Variants in CRYZL1 observed in about 807,000 individuals in gnomAD.
CRYZL1 encodes the protein crystallin zeta like 1.
CRYZL1 carries 34 observed loss-of-function variants against 50.6 expected under a neutral mutation model. The observed-to-expected ratio is 0.67, with a 90% CI of 0.51 to 0.89. The LOEUF (loss-of-function observed/expected upper bound fraction) is 0.89. Among genes scored for constraint, CRYZL1 ranks in the 40% least tolerant of loss-of-function variants. The pLI is 0.00. For missense variants in CRYZL1, 354 were observed against 402.3 expected, an observed-to-expected ratio of 0.88 and a Z score of 1.03; for synonymous variants, 125 against 134.3, an observed-to-expected ratio of 0.93 and a Z score of 0.48.
chr21:33,628,376 G>A (rs1386676816), intron 2 of CRYZL1, among the ~76,000 whole-genome samples: 1 of 152,134 alleles, frequency 6.6e-6, no homozygotes, highest in African/African-American at 2.4e-5. Flanking sequence ...GATAGGGATT[G>A]AATTGAGTCT....
At chr21:33,602,871 C>T (rs1383198333) in intron 7 of CRYZL1, among the ~76,000 whole-genome samples, 2 of 152,184 alleles carry the variant, frequency 1.3e-5, no homozygotes, top group African/African-American at 4.8e-5. Flanking sequence ...GAAAGCATTT[C>T]ATCACAAGCC....
intron 1 of CRYZL1, chr21:33,641,385 GA>G: frequency 6.8e-7 from 1 of 1,472,486 alleles, no homozygotes; most frequent in African/African-American, 1.4e-5. Context: ...CAACCTGGGA[GA>G]TTAAGTGGAA....
intron 1 of CRYZL1, chr21:33,639,987 G>C (rs970170669): frequency 1.9e-6 from 1 of 530,094 alleles, no homozygotes. Flanking sequence ...CACCATGCCC[G>C]GCTAATTTCT....
At position 33,589,433 on chromosome 21, in the gene CRYZL1, C is replaced by T; in HGVS notation, c.*389G>A. The stretch of plus-strand genomic sequence containing the variant: ...AAAGACTTAAGGAAGGTGTTGAGAA[C>T]GGAGTTGATACAAAATTAATACGTT... On this transcript the variant is annotated 3_prime_UTR_variant, in exon 13 of 13. Coordinates refer to ENST00000381554, the MANE Select transcript of CRYZL1 (RefSeq NM_145858.3). 1 of 287,810 alleles carries T rather than the reference C, an allele frequency of 3.5e-6. No homozygotes were observed. Among genetic ancestry groups the T allele is most frequent in the East Asian group, 6.6e-5 (1 of 15,146 alleles). 17.8% of individuals were successfully genotyped at this position (287,810 alleles called of 1,614,324 possible).
chr21:33,591,011 A>G (rs1352810057), intron 12 of CRYZL1, 151 bp downstream of exon 12: 3 of 662,158 alleles, frequency 4.5e-6, no homozygotes, highest in Non-Finnish European at 8.1e-6. Flanking sequence ...TTTCAATGGC[A>G]AAAACCACAA....
Position 33,624,773 on chromosome 21 carries a change from G to C in CRYZL1, c.67-13C>G. 1 of 1,584,388 alleles carries C rather than the reference G, an allele frequency of 6.3e-7. No individual in the cohort carries two copies. The highest frequency in any genetic ancestry group is 1.2e-5 in the South Asian group (1 of 85,332). ...CAGGAAGATCTTCCTAGAACCAAAT[G>C]ATAACAAAACAATATGTTATTTTAC... On this transcript the variant is annotated splice_polypyrimidine_tract_variant and intron_variant, in intron 2 of 12. Transcript: ENST00000381554.
intron 4 of CRYZL1, among the ~76,000 whole-genome samples, chr21:33,617,495 T>C (rs1351214011): frequency 3.9e-5 from 6 of 152,108 alleles, no homozygotes; most frequent in South Asian, 2.1e-4. Flanking sequence ...CAGACAAAAC[T>C]CTTCAGACAC....
In CRYZL1 at chr21:33,589,587, GT is replaced by G. The variant is rs1448191730; in HGVS notation, c.*234del. 9 of 507,902 alleles carry G rather than the reference GT, an allele frequency of 1.8e-5. No individual in the cohort carries two copies. The Admixed American group carries it at 3.4e-4, about 19-fold the overall frequency. The allele number at this position is 507,902 out of a possible 1,614,324, so 31.5% of individuals were successfully genotyped here. A position where few individuals can be genotyped will look rare whatever the true frequency, so the allele number is the denominator to read the frequency against. The stretch of plus-strand genomic sequence containing the variant: ...CAAAATATATAGAAACAATGAAAAG[GT>G]TTTTAGAAAAATTCCCTTAAGATGT... On this transcript the variant is annotated 3_prime_UTR_variant, in exon 13 of 13. Transcript: ENST00000381554.
chr21:33,595,664 G>A lies in CRYZL1; in HGVS notation c.904+67C>T, dbSNP rs547074880. 8.7e-4 allele frequency: 1,393 copies of A among 1,596,416 alleles called. 21 individuals are homozygous for A. The South Asian group carries it at 0.015, about 17-fold the overall frequency. On this transcript the variant is annotated intron_variant, in intron 11 of 12. Coordinates refer to ENST00000381554, the MANE Select transcript of CRYZL1 (RefSeq NM_145858.3). ...ACTGCTATTATTATTTCCTATTATC[G>A]TAATGAAAGAACTTAGTACAGTACA...
Position 33,602,297 on chromosome 21 carries a change from C to G in CRYZL1, c.514G>C (p.Val172Leu). The G allele has an allele frequency of 6.2e-7, 1 of 1,613,184 alleles. No individual in the cohort carries two copies. Among genetic ancestry groups the G allele is most frequent in the Non-Finnish European group, 8.5e-7 (1 of 1,179,112 alleles). Residue 172 changes from valine to leucine, a missense_variant, in exon 8 of 13, where the codon GTG (valine) becomes CTG (leucine). Val to Leu is a conservative substitution (Grantham distance 32). Coordinates refer to ENST00000381554, the MANE Select transcript of CRYZL1 (RefSeq NM_145858.3). ...IQLAHHRGAK[V>L]ISTACSLEDK... ...TCAAGGCTGCATGCTGTTGAAATCA[C>G]TTTGGCTCCTCTATGATGTGCTAAC...
At position 33,589,413 on chromosome 21, in the gene CRYZL1, C is replaced by G. The variant is rs1047860752; in HGVS notation, c.*409G>C. 1 of 246,558 alleles carries G rather than the reference C, an allele frequency of 4.1e-6. No individual in the cohort carries two copies. The highest frequency in any genetic ancestry group is 2.2e-5 in the African/African-American group (1 of 44,790). 15.3% of individuals were successfully genotyped at this position (246,558 alleles called of 1,614,324 possible). A position where few individuals can be genotyped will look rare whatever the true frequency, so the allele number is the denominator to read the frequency against. ...AATGCTTAAATTATGACAGCAAAGA[C>G]TTAAGGAAGGTGTTGAGAACGGAGT... is the stretch of plus-strand genomic sequence containing the variant. On this transcript the variant is annotated 3_prime_UTR_variant, in exon 13 of 13. Transcript: ENST00000381554.
At chr21:33,614,683 T>C (rs771731028) in intron 5 of CRYZL1, among the ~76,000 whole-genome samples, 48 of 152,098 alleles carry the variant, frequency 3.2e-4, no homozygotes, top group Non-Finnish European at 5.7e-4. Context: ...GCGATTCTCC[T>C]GCCTCAGCCT....
At chr21:33,602,195 A>T in intron 8 of CRYZL1, 39 bp downstream of exon 8, 1 of 1,122,742 alleles carries the variant, frequency 8.9e-7, no homozygotes, top group Middle Eastern at 2.0e-4. Flanking sequence ...TTCCTTCAAA[A>T]TTTCCTGTTT....
chr21:33,595,263 A>T, intron 11 of CRYZL1: 2 of 983,816 alleles, frequency 2.0e-6, no homozygotes, highest in Non-Finnish European at 2.6e-6. Context: ...CCTAGCATTG[A>T]TATTTATAAA....
chr21:33,626,817 T>C (rs760754658), intron 2 of CRYZL1, among the ~76,000 whole-genome samples: 5 of 152,092 alleles, frequency 3.3e-5, no homozygotes, highest in African/African-American at 1.2e-4. Context: ...CAACTGAACC[T>C]GGTACTAATA....
In CRYZL1 at chr21:33,589,862, T is replaced by C. The variant is rs1318212195; in HGVS notation, c.1010A>G (p.Gln337Arg). The C allele has an allele frequency of 2.5e-6, 4 of 1,613,302 alleles. No individual in the cohort carries two copies. In the South Asian group the frequency reaches 4.4e-5, roughly 18 times the overall value. Residue 337 changes from glutamine to arginine, a missense_variant, in exon 13 of 13, where the codon CAG (glutamine) becomes CGG (arginine). Coordinates refer to ENST00000381554, the MANE Select transcript of CRYZL1 (RefSeq NM_145858.3). ...TTGCTTTTTTCTTCCTTGATTTTTC[T>C]GAACAGCTTCCATGGAAACTTTTGC... ...YEAKVSMEAV[Q>R]KNQGRKKQVV...
At position 33,603,409 on chromosome 21, in the gene CRYZL1, C is replaced by T. The variant is rs747461530; in HGVS notation, c.460G>A (p.Ala154Thr). The T allele has an allele frequency of 1.2e-6, 2 of 1,613,918 alleles. No homozygotes were observed. Among genetic ancestry groups the T allele is most frequent in the Admixed American group, 1.7e-5 (1 of 60,006 alleles). ...PGKSVLIMDG[A>T]SAFGTIAIQL... Reference sequence around the variant, plus strand: ...ACAAAACCATTAGCACCTACACTTGCTCCATCCATTATCAGCACTGATTTT... The same window carrying T: ...ACAAAACCATTAGCACCTACACTTGTTCCATCCATTATCAGCACTGATTTT... The change falls in exon 7 of 13, where the codon GCA becomes ACA. Residue 154 changes from alanine to threonine, a missense_variant. Transcript: ENST00000381554.
chr21:33,613,966 T>C (rs1288448246), intron 5 of CRYZL1, among the ~76,000 whole-genome samples: 2 of 150,596 alleles, frequency 1.3e-5, no homozygotes, highest in Non-Finnish European at 3.0e-5. Context: ...AGGTCAGGAG[T>C]TTGAGACCAG....
intron 12 of CRYZL1, among the ~76,000 whole-genome samples, chr21:33,590,955 C>T (rs558111364): frequency 8.5e-5 from 13 of 152,222 alleles, no homozygotes; most frequent in South Asian, 6.2e-4. Flanking sequence ...GCTATTTAAA[C>T]GAAATATAAG....
Sources: gnomAD v4.1 joint callset for allele counts (sites outside exome capture counted in the v4.1 genomes callset) on GRCh38, gnomAD v4.1.1 for gene constraint, MANE v1.5 for transcripts, NCBI Gene and HGNC (gene_info 2026-07-23, HGNC 2026-07-21) for gene names.